TRAPPC9: variants seen among roughly 807,000 people sequenced by gnomAD.
The protein encoded by TRAPPC9 is trafficking protein particle complex subunit 9.
In TRAPPC9, 83 loss-of-function variants were observed where a neutral mutation model predicts 124.0. That is an observed-to-expected ratio of 0.67 (90% CI 0.56 to 0.80). The LOEUF is 0.80. Ranked by LOEUF, TRAPPC9 falls within the 30% of genes least tolerant of loss-of-function variation. TRAPPC9 has a pLI of 0.00. For synonymous variants in TRAPPC9, 638 were observed against 617.5 expected, an observed-to-expected ratio of 1.03 and a Z score of -0.49; for missense variants, 1,302 against 1,508.3, an observed-to-expected ratio of 0.86 and a Z score of 2.27.
intron 19 of TRAPPC9, among the ~76,000 whole-genome samples, chr8:139,940,590 C>T (rs576225133): frequency 6.6e-6 from 1 of 152,340 alleles, no homozygotes; most frequent in Admixed American, 6.5e-5. Flanking sequence ...CAGGCCTGGG[C>T]TCAAAGGTGC....
intron 21 of TRAPPC9, among the ~76,000 whole-genome samples, chr8:139,800,601 C>T (rs2130672216): frequency 6.6e-6 from 1 of 152,312 alleles, no homozygotes; most frequent in Admixed American, 6.5e-5. Flanking sequence ...CTACCACTGC[C>T]CCAGAAGGCA....
intron 21 of TRAPPC9, among the ~76,000 whole-genome samples, chr8:139,791,403 A>G (rs1822663077): frequency 7.0e-6 from 1 of 142,772 alleles, no homozygotes; most frequent in Non-Finnish European, 1.5e-5. Context: ...TCCACTGCAC[A>G]GACTCACACA....
intron 19 of TRAPPC9, among the ~76,000 whole-genome samples, chr8:139,955,374 C>T (rs937588622): frequency 1.3e-5 from 2 of 152,184 alleles, no homozygotes; most frequent in South Asian, 2.1e-4. Flanking sequence ...CAGCCGCACA[C>T]ACTGCAAAAA....
chr8:140,457,728 G>A lies in TRAPPC9; in HGVS notation c.-100C>T. On this transcript the variant is annotated 5_prime_UTR_variant, in exon 1 of 23. Coordinates refer to ENST00000438773, the MANE Select transcript of TRAPPC9 (RefSeq NM_001160372.4). ...CTCTGCGGCCACTTCCCAGGCTCTG[G>A]GCTGGCGCTTCCTACTGGCGGCCGA... is the stretch of plus-strand genomic sequence containing the variant. The A allele has an allele frequency of 9.0e-6, 9 of 995,700 alleles. No individual in the cohort carries two copies. The highest frequency in any genetic ancestry group is 9.6e-6 in the Non-Finnish European group (8 of 836,216). The allele number at this position is 995,700 out of a possible 1,614,324, so 61.7% of individuals were successfully genotyped here.
chr8:139,977,974 CCCAGCCTCCTACT>C (rs1212273619), intron 19 of TRAPPC9, among the ~76,000 whole-genome samples: 1 of 152,052 alleles, frequency 6.6e-6, no homozygotes, highest in Non-Finnish European at 1.5e-5. Flanking sequence ...AGCCACCGCA[CCCAGCCTCCTACT>C]CCTAATTTAA....
intron 21 of TRAPPC9, among the ~76,000 whole-genome samples, chr8:139,763,600 A>G (rs1293514913): frequency 7.1e-6 from 1 of 139,964 alleles, no homozygotes; most frequent in Non-Finnish European, 1.5e-5. Flanking sequence ...ACAAGCACAC[A>G]TGCACATAAA....
intron 20 of TRAPPC9, among the ~76,000 whole-genome samples, chr8:139,888,393 G>C (rs1830142655): frequency 6.6e-6 from 1 of 152,190 alleles, no homozygotes; most frequent in African/African-American, 2.4e-5. Flanking sequence ...GAGCATGCTA[G>C]CAGTGCTAAC....
intron 21 of TRAPPC9, among the ~76,000 whole-genome samples, chr8:139,856,407 C>T (rs1029776130): frequency 2.6e-5 from 4 of 152,190 alleles, no homozygotes; most frequent in African/African-American, 9.7e-5. Flanking sequence ...CCTGCGGCGG[C>T]TCCCCTTCCT....
chr8:139,856,003 C>G (rs1173112177), intron 21 of TRAPPC9, among the ~76,000 whole-genome samples: 3 of 152,182 alleles, frequency 2.0e-5, no homozygotes, highest in African/African-American at 7.2e-5. Flanking sequence ...TGACCTTGAG[C>G]AAGTTCCCCA....
At chr8:140,195,104 C>A (rs1295633040) in intron 17 of TRAPPC9, among the ~76,000 whole-genome samples, 2 of 151,936 alleles carry the variant, frequency 1.3e-5, no homozygotes, top group Non-Finnish European at 2.9e-5. Context: ...ACAGATCATA[C>A]CTGTGAAACT....
chr8:140,237,618 C>T (rs557304938), intron 16 of TRAPPC9, among the ~76,000 whole-genome samples: 4 of 152,030 alleles, frequency 2.6e-5, no homozygotes, highest in South Asian at 2.1e-4. Flanking sequence ...TATGAGAGCA[C>T]GGTGCAACTA....
At chr8:140,141,826 G>A (rs1467578150) in intron 17 of TRAPPC9, among the ~76,000 whole-genome samples, 1 of 152,190 alleles carries the variant, frequency 6.6e-6, no homozygotes, top group African/African-American at 2.4e-5. Flanking sequence ...TGTTATATAT[G>A]TTAAGGGCAG....
chr8:139,746,488 A>C (rs568253677), intron 21 of TRAPPC9, among the ~76,000 whole-genome samples: 1 of 152,292 alleles, frequency 6.6e-6, no homozygotes, highest in South Asian at 2.1e-4. Flanking sequence ...CAACAGGTCC[A>C]CGGGGTAGGG....
At chr8:140,056,161 C>A (rs150110972) in intron 17 of TRAPPC9, among the ~76,000 whole-genome samples, 2 of 151,972 alleles carry the variant, frequency 1.3e-5, no homozygotes. Flanking sequence ...GGAATCCCAG[C>A]ACTTTGGGAG....
At chr8:140,033,673 T>TTTGG (rs1563706816) in intron 17 of TRAPPC9, among the ~76,000 whole-genome samples, 1 of 76,732 alleles carries the variant, frequency 1.3e-5, no homozygotes, top group Non-Finnish European at 2.6e-5. Flanking sequence ...TTTTTTTTTT[T>TTTGG]TTTTTTTTTT....
chr8:139,821,931 C>G (rs1459240867), intron 21 of TRAPPC9, among the ~76,000 whole-genome samples: 1 of 152,214 alleles, frequency 6.6e-6, no homozygotes, highest in Non-Finnish European at 1.5e-5. Context: ...CGGCTATTGG[C>G]TGGGCCTAAA....
intron 15 of TRAPPC9, among the ~76,000 whole-genome samples, chr8:140,254,522 C>T (rs995121936): frequency 3.3e-5 from 5 of 152,186 alleles, no homozygotes; most frequent in African/African-American, 1.2e-4. Flanking sequence ...TGCTAGGTCT[C>T]TGGCTGTCCC....
At chr8:139,777,107 C>T (rs923621146) in intron 21 of TRAPPC9, among the ~76,000 whole-genome samples, 4 of 152,214 alleles carry the variant, frequency 2.6e-5, no homozygotes, top group Admixed American at 6.5e-5. Flanking sequence ...GTCAGTTCAA[C>T]TGCCACCTTC....
intron 5 of TRAPPC9, among the ~76,000 whole-genome samples, chr8:140,406,368 A>G (rs1293676819): frequency 1.3e-5 from 2 of 152,250 alleles, no homozygotes; most frequent in African/African-American, 4.8e-5. Context: ...TAGCAGGGAA[A>G]GCTGGGCTTC....
Sources: allele counts gnomAD v4.1 joint callset (sites outside exome capture counted in the v4.1 genomes callset), GRCh38; gene constraint gnomAD v4.1.1; transcripts MANE v1.5; gene names NCBI Gene and HGNC (gene_info 2026-07-23, HGNC 2026-07-21).